The following JAK1 variants were observed in gnomAD, a reference collection of about 807,000 sequenced individuals.
JAK1 encodes the protein Janus kinase 1.
A neutral mutation model predicts 136.6 loss-of-function variants in JAK1; 16 were observed. The ratio of observed to expected loss-of-function variants is 0.12; its 90% CI spans 0.08 to 0.18. The LOEUF (loss-of-function observed/expected upper bound fraction) is 0.18. JAK1 is among the 10% of genes least tolerant of loss of function. The probability of loss-of-function intolerance (pLI) is 1.00; values close to 1 mark genes in which losing one functional copy is unlikely to be tolerated. For missense variants in JAK1, 859 were observed against 1,450.1 expected, an observed-to-expected ratio of 0.59 and a Z score of 6.62; for synonymous variants, 492 against 519.5, an observed-to-expected ratio of 0.95 and a Z score of 0.72.
intron 2 of JAK1, among the ~76,000 whole-genome samples, chr1:65,010,329 C>A (rs548104345): frequency 1.3e-5 from 2 of 152,300 alleles, no homozygotes; most frequent in Admixed American, 1.3e-4. Flanking sequence ...CTCTCTCCCC[C>A]TTCCTCCATC....
At position 64,841,320 on chromosome 1, in the gene JAK1, T is replaced by C. The variant is rs1654890746; in HGVS notation, c.2574A>G (p.Glu858=). The change falls in exon 19 of 25, where the codon GAA becomes GAG. Residue 858 remains glutamate, a synonymous_variant. Coordinates refer to ENST00000342505, the MANE Select transcript of JAK1 (RefSeq NM_002227.4). The part of the protein sequence containing the change: ...LEEQNPDIVS[E]KKPATEVDPT... ...GGTCCACTTCAGTTGCTGGTTTTTT[T>C]TCTGAAACAATATCTGGATCTAACA... 2 of 1,614,030 alleles carry C rather than the reference T, an allele frequency of 1.2e-6. No homozygotes were observed. The highest frequency in any genetic ancestry group is 1.7e-6 in the Non-Finnish European group (2 of 1,179,990).
intron 1 of JAK1, among the ~76,000 whole-genome samples, chr1:64,894,081 G>GA (rs1644977843): frequency 6.6e-6 from 1 of 152,186 alleles, no homozygotes; most frequent in Non-Finnish European, 1.5e-5. Context: ...AGGGTAAAAT[G>GA]AGTTTAAGGG....
intron 2 of JAK1, chr1:64,992,478 T>A (rs1434304903): frequency 6.6e-6 from 1 of 152,044 alleles, no homozygotes; most frequent in Non-Finnish European, 1.5e-5. Context: ...CTCACACTTC[T>A]GATTTCAAAA....
chr1:64,944,366 C>T (rs1645945836), intron 1 of JAK1, among the ~76,000 whole-genome samples: 1 of 151,784 alleles, frequency 6.6e-6, no homozygotes, highest in Non-Finnish European at 1.5e-5. Context: ...GACAGTGGTA[C>T]TCTCATTTAG....
chr1:64,951,590 A>G (rs1333522886), intron 1 of JAK1, among the ~76,000 whole-genome samples: 3 of 151,088 alleles, frequency 2.0e-5, no homozygotes, highest in Admixed American at 1.3e-4. Flanking sequence ...AAGCATACCA[A>G]TGCAGGTAAC....
chr1:64,841,978 T>A (rs1654933623), intron 17 of JAK1, among the ~76,000 whole-genome samples: 1 of 152,242 alleles, frequency 6.6e-6, no homozygotes, highest in Non-Finnish European at 1.5e-5. Flanking sequence ...AATATTTATG[T>A]ACAAGGATGT....
rs368593918 is a variant in JAK1, at chr1:65,000,309, A to G, written c.-78+44171T>C. 1.9e-4 allele frequency among the ~76,000 whole-genome samples: 29 copies of G among 152,250 alleles called. 5 individuals are homozygous for G. Among genetic ancestry groups the G allele is most frequent in the Admixed American group, 3.3e-4 (5 of 15,282 alleles). On this transcript the variant is annotated intron_variant, in intron 2 of 25. Transcript: ENST00000671954. ...CTGAACCCAGCAATACCACTTCCAG[A>G]AAATCTACCCATGCAAATAATTGAG... is the stretch of plus-strand genomic sequence containing the variant.
chr1:65,036,112 T>C (rs1647070874), intron 2 of JAK1, among the ~76,000 whole-genome samples: 1 of 151,898 alleles, frequency 6.6e-6, no homozygotes, highest in Non-Finnish European at 1.5e-5. Context: ...GAAAAAGTTA[T>C]TGGGATGGAT....
At chr1:64,857,889 C>G in intron 9 of JAK1, 110 bp from the exon 10 acceptor site, 1 of 1,298,658 alleles carries the variant, frequency 7.7e-7, no homozygotes, top group Non-Finnish European at 1.1e-6. Flanking sequence ...CCCCATCACA[C>G]TATCTGCCCT....
At chr1:64,864,581 G>A (rs199918686) in intron 8 of JAK1, among the ~76,000 whole-genome samples, 1 of 152,238 alleles carries the variant, frequency 6.6e-6, no homozygotes, top group Non-Finnish European at 1.5e-5. Context: ...TCACATTTCT[G>A]AGACCAAAGA....
chr1:65,053,092 T>C (rs1647363786), intron 1 of JAK1, among the ~76,000 whole-genome samples: 1 of 143,328 alleles, frequency 7.0e-6, no homozygotes, highest in Non-Finnish European at 1.5e-5. Context: ...ACGCCTGTAA[T>C]CCCAGCACTT....
upstream of JAK1, among the ~76,000 whole-genome samples, chr1:64,970,225 A>G (rs1034310874): frequency 1.4e-5 from 2 of 147,972 alleles, no homozygotes; most frequent in Admixed American, 1.4e-4. Flanking sequence ...GGATTGCTTG[A>G]GGCCAGGAGT....
chr1:64,884,215 C>T (rs182823376), intron 2 of JAK1, among the ~76,000 whole-genome samples: 89 of 152,252 alleles, frequency 5.8e-4, no homozygotes, highest in African/African-American at 2.1e-3. Context: ...TTCACATAAG[C>T]ACCCTCCAAA....
chr1:64,869,323 G>C lies in JAK1; in HGVS notation c.635C>G (p.Pro212Arg), dbSNP rs767880569. ...MMKKMQLPEL[P>R]KDISYKRYIP... ...TGGGAAGCTTTACCTGATGTCCTTG[G>C]GCAGTTCTGGCAACTGCATCTTCTT... The change falls in exon 6 of 25, where the codon CCC becomes CGC. Residue 212 changes from proline to arginine, a missense_variant. Physicochemically the swap from Pro to Arg is moderately radical, Grantham distance 103. Around this residue, in one of 4 missense-constraint regions of JAK1, gnomAD observed 353 missense variants for 494.0 expected, o/e 0.71. Transcript: ENST00000342505. 14 of 1,613,564 alleles carry C rather than the reference G, an allele frequency of 8.7e-6. No homozygotes were observed. The highest frequency in any genetic ancestry group is 1.1e-5 in the Non-Finnish European group (13 of 1,179,824).
At chr1:64,849,797 G>C (rs1013113447) in intron 12 of JAK1, among the ~76,000 whole-genome samples, 16 of 152,224 alleles carry the variant, frequency 1.1e-4, no homozygotes, top group African/African-American at 3.6e-4. Context: ...GTTCTACACA[G>C]AAAAGAGGCT....
chr1:65,029,651 C>T (rs1250456358), intron 2 of JAK1, among the ~76,000 whole-genome samples: 2 of 152,162 alleles, frequency 1.3e-5, no homozygotes, highest in Non-Finnish European at 2.9e-5. Flanking sequence ...AGATCATGTC[C>T]TTTGCAGGAA....
At chr1:64,904,669 G>C (rs1645163639) in intron 1 of JAK1, among the ~76,000 whole-genome samples, 2 of 151,926 alleles carry the variant, frequency 1.3e-5, no homozygotes, top group Admixed American at 6.6e-5. Flanking sequence ...TTTTCTTCTT[G>C]GGTAGATGAC....
At chr1:65,046,648 T>G (rs1647185698) in intron 1 of JAK1, among the ~76,000 whole-genome samples, 1 of 151,956 alleles carries the variant, frequency 6.6e-6, no homozygotes, top group African/African-American at 2.4e-5. Flanking sequence ...GCACTGGGGA[T>G]GGGGCTGAAG....
intron 1 of JAK1, among the ~76,000 whole-genome samples, chr1:64,887,115 A>G (rs141085006): frequency 1.3e-5 from 2 of 152,214 alleles, no homozygotes; most frequent in Non-Finnish European, 2.9e-5. Flanking sequence ...ATGGAAACAC[A>G]AAAGCAACCT....
Sources: allele counts gnomAD v4.1 joint callset (sites outside exome capture counted in the v4.1 genomes callset), GRCh38; gene constraint gnomAD v4.1.1; regional missense constraint gnomAD v4.1.1; transcripts MANE v1.5; gene names NCBI Gene and HGNC (gene_info 2026-07-23, HGNC 2026-07-21).